The following CNTN3 variants were observed in gnomAD, a reference collection of about 807,000 sequenced individuals.
CNTN3 encodes contactin 3, also known as contactin-3.
CNTN3 carries 60 observed loss-of-function variants against 119.1 expected under a neutral mutation model. The observed-to-expected ratio is 0.50, with a 90% CI of 0.41 to 0.62. CNTN3 has a LOEUF of 0.62. Among genes scored for constraint, CNTN3 ranks in the 20% least tolerant of loss-of-function variants. CNTN3 has a pLI of 0.00. For synonymous variants in CNTN3, 450 were observed against 438.7 expected (o/e 1.03, Z -0.32); for missense variants, 1,101 against 1,242.4 (o/e 0.89, Z 1.71).
At chr3:74,581,321 G>C (rs890744182) in intron 1 of CNTN3, among the ~76,000 whole-genome samples, 1 of 152,060 alleles carries the variant, frequency 6.6e-6, no homozygotes, top group Non-Finnish European at 1.5e-5. Flanking sequence ...AAAATCATTA[G>C]TACTTCTAAA....
chr3:74,493,531 T>TG (rs35043216), intron 3 of CNTN3, among the ~76,000 whole-genome samples: 11 of 152,090 alleles, frequency 7.2e-5, no homozygotes, highest in South Asian at 2.1e-4. Context: ...TACGAAAATT[T>TG]GGGGGGGTCT....
intron 4 of CNTN3, among the ~76,000 whole-genome samples, chr3:74,431,847 C>T (rs1701788550): frequency 1.3e-5 from 2 of 152,182 alleles, no homozygotes; most frequent in Non-Finnish European, 2.9e-5. Flanking sequence ...TTTATATCTA[C>T]TTGTGATCAC....
chr3:74,435,930 A>G (rs550874521), intron 4 of CNTN3, among the ~76,000 whole-genome samples: 2 of 152,206 alleles, frequency 1.3e-5, no homozygotes, highest in East Asian at 3.9e-4. Context: ...TATCCTCTAC[A>G]CACAGAGTTC....
chr3:74,600,763 T>C (rs1704896714), intron 1 of CNTN3, among the ~76,000 whole-genome samples: 1 of 151,982 alleles, frequency 6.6e-6, no homozygotes, highest in African/African-American at 2.4e-5. Flanking sequence ...TAAAACACAC[T>C]CTCAAATCCA....
Position 74,371,237 on chromosome 3 carries a change from C to A in CNTN3, c.617G>T (p.Arg206Leu), listed in dbSNP as rs751418094. ...CVVTSMVTNA[R>L]VLGSPTPLVL... ...CAAAGGAGTTGGAGAGCCCAGCACT[C>A]GGGCATTTGTCACCATACTTGTCAC... Residue 206 changes from arginine to leucine, a missense_variant, in exon 6 of 23, where the codon CGA becomes CTA. By Grantham distance (102) the Arg-to-Leu change is moderately radical. Coordinates refer to ENST00000263665, the MANE Select transcript of CNTN3 (RefSeq NM_020872.3). 1.2e-6 allele frequency: 2 copies of A among 1,613,392 alleles called. No individual in the cohort carries two copies. Among genetic ancestry groups the A allele is most frequent in the Admixed American group, 3.3e-5 (2 of 59,906 alleles).
rs1575708339 is a variant in CNTN3, at chr3:74,301,330, T to C, written c.2095+68A>G. 4 of 1,524,770 alleles carry C rather than the reference T, an allele frequency of 2.6e-6. No homozygotes were observed. The East Asian group carries it at 6.7e-5, about 26-fold the overall frequency. 94.5% of individuals were successfully genotyped at this position (1,524,770 alleles called of 1,614,324 possible). A position where few individuals can be genotyped will look rare whatever the true frequency, so the allele number is the denominator to read the frequency against. ...GGCTGACCCCCTGCTGGCCTGGAGTTCAGGGCCAAGGGAAATGGAAGTACA... is the reference window on the plus strand; with the variant it reads ...GGCTGACCCCCTGCTGGCCTGGAGTCCAGGGCCAAGGGAAATGGAAGTACA... On this transcript the variant is annotated intron_variant, in intron 16 of 22. Transcript: ENST00000263665.
chr3:74,283,430 G>A (rs553357043), intron 20 of CNTN3, among the ~76,000 whole-genome samples: 96 of 152,214 alleles, frequency 6.3e-4, no homozygotes, highest in African/African-American at 1.6e-3. Flanking sequence ...CGGATTGGGC[G>A]TTTATATGCT....
At chr3:74,387,869 T>C (rs1704793439) in intron 5 of CNTN3, among the ~76,000 whole-genome samples, 1 of 152,230 alleles carries the variant, frequency 6.6e-6, no homozygotes, top group Non-Finnish European at 1.5e-5. Context: ...CTTTTGAAGC[T>C]TAATGACGAC....
intron 11 of CNTN3, among the ~76,000 whole-genome samples, chr3:74,337,245 C>T (rs1433844423): frequency 6.6e-6 from 1 of 152,038 alleles, no homozygotes; most frequent in African/African-American, 2.4e-5. Flanking sequence ...TTAGTATACA[C>T]TTAGAGTACT....
At chr3:74,450,251 T>C (rs879090448) in intron 4 of CNTN3, among the ~76,000 whole-genome samples, 18 of 152,138 alleles carry the variant, frequency 1.2e-4, no homozygotes, top group Non-Finnish European at 2.5e-4. Context: ...AAACAAATTT[T>C]TTTAATCTTG....
chr3:74,609,631 G>T (rs1189455626), intron 1 of CNTN3, among the ~76,000 whole-genome samples: 1 of 152,118 alleles, frequency 6.6e-6, no homozygotes, highest in African/African-American at 2.4e-5. Context: ...GAGATCACGG[G>T]CAATGTGACA....
intron 4 of CNTN3, among the ~76,000 whole-genome samples, chr3:74,440,083 T>C (rs961763811): frequency 6.6e-6 from 1 of 152,216 alleles, no homozygotes. Context: ...TGGCTTCCAT[T>C]AGTTATCACT....
intron 4 of CNTN3, among the ~76,000 whole-genome samples, chr3:74,440,813 C>T (rs1701950593): frequency 6.6e-6 from 1 of 152,070 alleles, no homozygotes; most frequent in African/African-American, 2.4e-5. Context: ...TTAAACAATA[C>T]AGCATAACAA....
chr3:74,593,440 C>T (rs1263025658), intron 1 of CNTN3, among the ~76,000 whole-genome samples: 2 of 151,908 alleles, frequency 1.3e-5, no homozygotes, highest in Non-Finnish European at 2.9e-5. Context: ...CTTTAAATTT[C>T]CAAAAATATA....
Position 74,508,444 on chromosome 3 carries a change from A to T in CNTN3, c.56-8659T>A, listed in dbSNP as rs138130498. Among the ~76,000 whole-genome samples, 121 of 152,254 alleles carry T rather than the reference A, an allele frequency of 7.9e-4. 2 individuals are homozygous for T. Among genetic ancestry groups the T allele is most frequent in the African/African-American group, 2.7e-3 (112 of 41,558 alleles). ...GCATCTGGAACTATGGGGTGCGGAG[A>T]TTGGGGTATGTCTTAGAGTTGCCTA... is the stretch of plus-strand genomic sequence containing the variant. On this transcript the variant is annotated intron_variant, in intron 2 of 22. Transcript: ENST00000263665.
intron 2 of CNTN3, among the ~76,000 whole-genome samples, chr3:74,502,111 T>C (rs1349883326): frequency 2.6e-5 from 4 of 152,168 alleles, no homozygotes; most frequent in Non-Finnish European, 5.9e-5. Context: ...ATATATTTCA[T>C]TATTTATGAG....
intron 1 of CNTN3, among the ~76,000 whole-genome samples, chr3:74,605,650 G>A (rs761093703): frequency 6.6e-6 from 1 of 152,064 alleles, no homozygotes; most frequent in Non-Finnish European, 1.5e-5. Context: ...ACCAGTTTTG[G>A]CTACTTGCCA....
At position 74,596,811 on chromosome 3, in the gene CNTN3, C is replaced by T. The variant is rs546124072; in HGVS notation, c.-81+17580G>A. 1.1e-3 allele frequency among the ~76,000 whole-genome samples: 162 copies of T among 152,178 alleles called. 2 individuals carry two copies. In the South Asian group the frequency reaches 0.011, roughly 11 times the overall value. ...AAATGTGCAATGGACTTGACCACCA[C>T]GGGTTCTTCAATCTGGAAATGGTAT... On this transcript the variant is annotated intron_variant, in intron 1 of 22. Transcript: ENST00000263665.
chr3:74,365,807 T>A, intron 8 of CNTN3, 105 bp from the exon 9 acceptor site: 1 of 1,272,010 alleles, frequency 7.9e-7, no homozygotes, highest in Non-Finnish European at 1.1e-6. Flanking sequence ...ATGGACATGA[T>A]AATGAGTAAC....
Sources: allele counts gnomAD v4.1 joint callset (sites outside exome capture counted in the v4.1 genomes callset), GRCh38; gene constraint gnomAD v4.1.1; transcripts MANE v1.5; gene names NCBI Gene and HGNC (gene_info 2026-07-23, HGNC 2026-07-21).